The following FOXP2 variants were observed in gnomAD, a reference collection of about 807,000 sequenced individuals.
FOXP2 encodes forkhead box protein P2.
FOXP2 carries 12 observed loss-of-function variants against 115.8 expected under a neutral mutation model. The ratio of observed to expected loss-of-function variants is 0.10; its 90% CI spans 0.07 to 0.17. The LOEUF is 0.17. Among genes scored for constraint, FOXP2 ranks in the 10% least tolerant of loss-of-function variants. FOXP2 has a pLI of 1.00. For synonymous variants in FOXP2, 328 were observed against 297.7 expected (o/e 1.10, Z -1.05); for missense variants, 629 against 843.5 (o/e 0.75, Z 3.15).
chr7:114,102,744 A>T (rs181794522), intron 1 of FOXP2, among the ~76,000 whole-genome samples: 1 of 150,296 alleles, frequency 6.7e-6, no homozygotes, highest in Non-Finnish European at 1.5e-5. Context: ...CCCAATGGTT[A>T]TTCATATAAA....
chr7:114,594,622 A>T (rs1802605160), intron 3 of FOXP2, among the ~76,000 whole-genome samples: 1 of 152,062 alleles, frequency 6.6e-6, no homozygotes, highest in African/African-American at 2.4e-5. Flanking sequence ...TTTGACTAAA[A>T]CACAAGCATT....
intron 2 of FOXP2, among the ~76,000 whole-genome samples, chr7:114,454,919 A>G (rs1355331913): frequency 2.2e-5 from 3 of 139,316 alleles, no homozygotes; most frequent in Non-Finnish European, 4.6e-5. Context: ...ACCTAATGCT[A>G]GATGACGAGT....
At chr7:114,463,008 ATTG>A (rs1461726503) in intron 2 of FOXP2, 2 of 408,928 alleles carry the variant, frequency 4.9e-6, no homozygotes, top group Non-Finnish European at 9.6e-6. Flanking sequence ...CAGTATATGC[ATTG>A]TTGTATTTTT....
chr7:114,279,864 G>A (rs926778105), intron 1 of FOXP2, among the ~76,000 whole-genome samples: 16 of 151,784 alleles, frequency 1.1e-4, no homozygotes, highest in Non-Finnish European at 1.2e-4. Flanking sequence ...GGCAGGAGGG[G>A]GTGAGAGAAT....
intron 3 of FOXP2, among the ~76,000 whole-genome samples, chr7:114,570,478 A>G (rs898833636): frequency 6.6e-6 from 1 of 151,878 alleles, no homozygotes; most frequent in Non-Finnish European, 1.5e-5. Context: ...TTGCAGTGTC[A>G]TTTAAATATA....
intron 2 of FOXP2, among the ~76,000 whole-genome samples, chr7:114,429,224 G>T (rs1030547556): frequency 3.3e-5 from 5 of 151,372 alleles, no homozygotes; most frequent in Admixed American, 2.6e-4. Flanking sequence ...AGTGAAAAAG[G>T]ATTGATAAAC....
chr7:114,182,409 T>C (rs776924), intron 1 of FOXP2, among the ~76,000 whole-genome samples: 140,193 of 152,074 alleles, frequency 0.92, 65,036 homozygotes, highest in African/African-American at 0.98. Context: ...TATTTTGGAT[T>C]TAGCTTAGAA....
intron 2 of FOXP2, among the ~76,000 whole-genome samples, chr7:114,353,218 G>A (rs973195794): frequency 6.7e-6 from 1 of 150,316 alleles, no homozygotes; most frequent in Non-Finnish European, 1.5e-5. Context: ...GCTATCTGAA[G>A]TTTTATTGTT....
Position 114,288,214 on chromosome 7 carries a change from A to C in FOXP2, c.-11+105A>C, listed in dbSNP as rs1796511731. 3 of 404,148 alleles carry C rather than the reference A, an allele frequency of 7.4e-6. No homozygotes were observed. In the Admixed American group the frequency reaches 8.6e-5, roughly 12 times the overall value. The allele number at this position is 404,148 out of a possible 1,614,324, so 25.0% of individuals were successfully genotyped here. ...TTTTTTTGGTTAAATATGTTTGCCC[A>C]AATGTTAAGAAGTTGTTTTCAGCGG... is the stretch of plus-strand genomic sequence containing the variant. On this transcript the variant is annotated intron_variant, in intron 2 of 17. Coordinates refer to the FOXP2 transcript ENST00000634411.
intron 3 of FOXP2, among the ~76,000 whole-genome samples, chr7:114,604,288 T>C (rs1803190248): frequency 2.0e-5 from 3 of 152,188 alleles, no homozygotes; most frequent in Non-Finnish European, 4.4e-5. Flanking sequence ...TCCACCCTCA[T>C]AACCTAATTA....
At chr7:114,486,764 A>G (rs943844116) in intron 2 of FOXP2, among the ~76,000 whole-genome samples, 2 of 152,190 alleles carry the variant, frequency 1.3e-5, no homozygotes, top group African/African-American at 2.4e-5. Flanking sequence ...ATCCATTAGG[A>G]TAGCCAAATC....
At chr7:114,284,476 CT>C (rs1562853481) in intron 1 of FOXP2, among the ~76,000 whole-genome samples, 1 of 152,074 alleles carries the variant, frequency 6.6e-6, no homozygotes, top group Non-Finnish European at 1.5e-5. Context: ...ATCTTATTTT[CT>C]TTTTATGGCT....
At chr7:114,329,371 T>C (rs1797637406) in intron 2 of FOXP2, among the ~76,000 whole-genome samples, 1 of 151,552 alleles carries the variant, frequency 6.6e-6, no homozygotes, top group Non-Finnish European at 1.5e-5. Flanking sequence ...TAGAAAAAAT[T>C]AGCTGGGCAT....
At chr7:114,134,712 CAAA>C (rs35653755) in intron 1 of FOXP2, among the ~76,000 whole-genome samples, 25 of 112,266 alleles carry the variant, frequency 2.2e-4, no homozygotes, top group Non-Finnish European at 1.9e-4. Context: ...GACTCCGTCT[CAAA>C]AAAAAAAAAA....
At chr7:114,553,450 T>A (rs535860363) in intron 3 of FOXP2, among the ~76,000 whole-genome samples, 22 of 152,310 alleles carry the variant, frequency 1.4e-4, no homozygotes, top group African/African-American at 5.3e-4. Flanking sequence ...GACTTCAACA[T>A]CACTTAAACA....
intron 10 of FOXP2, among the ~76,000 whole-genome samples, chr7:114,657,040 C>CTGGT (rs1806629245): frequency 2.6e-5 from 4 of 152,130 alleles, no homozygotes; most frequent in Admixed American, 6.6e-5. Flanking sequence ...GTATAGCCTA[C>CTGGT]TGTATAAAGT....
At chr7:114,304,080 G>T (rs146303001) in intron 2 of FOXP2, among the ~76,000 whole-genome samples, 3,512 of 152,160 alleles carry the variant, frequency 0.023, 88 homozygotes, top group African/African-American at 0.055. Context: ...GGATTTATTT[G>T]AAATATTTTA....
At chr7:114,458,054 C>T (rs1266593403) in intron 2 of FOXP2, among the ~76,000 whole-genome samples, 1 of 151,938 alleles carries the variant, frequency 6.6e-6, no homozygotes, top group African/African-American at 2.4e-5. Context: ...CAATCATACC[C>T]ATATAAATCA....
At chr7:114,163,493 G>GA (rs1235655304) in intron 1 of FOXP2, among the ~76,000 whole-genome samples, 1 of 151,356 alleles carries the variant, frequency 6.6e-6, no homozygotes, top group East Asian at 1.9e-4. Flanking sequence ...ATGTCTGCTT[G>GA]AATCTACCAC....
Sources: gnomAD v4.1 joint callset for allele counts (sites outside exome capture counted in the v4.1 genomes callset) on GRCh38, gnomAD v4.1.1 for gene constraint, MANE v1.5 for transcripts, NCBI Gene and HGNC (gene_info 2026-07-23, HGNC 2026-07-21) for gene names.